Variants in PTPRD observed in about 807,000 individuals in gnomAD.
The protein encoded by PTPRD is receptor-type tyrosine-protein phosphatase delta.
Under a neutral mutation model 214.5 loss-of-function variants are expected in PTPRD, and 34 were observed. That is an observed-to-expected ratio of 0.16 (90% CI 0.12 to 0.21). The LOEUF is 0.21. PTPRD is among the 10% of genes least tolerant of loss of function. PTPRD has a pLI of 1.00. For synonymous variants in PTPRD, 1,128 were observed against 845.7 expected (o/e 1.33, Z -5.79); for missense variants, 2,545 against 2,398.7 (o/e 1.06, Z -1.27).
intron 10 of PTPRD, among the ~76,000 whole-genome samples, chr9:9,033,730 G>T (rs78104588): frequency 1.3e-5 from 2 of 151,554 alleles, no homozygotes; most frequent in African/African-American, 4.9e-5. Flanking sequence ...TCTCTCTTGG[G>T]TTTAGTTACT....
At position 10,512,064 on chromosome 9, in the gene PTPRD, G is replaced by A. The variant is rs544510261; in HGVS notation, c.-600+100334C>T. Among the ~76,000 whole-genome samples the A allele has an allele frequency of 2.1e-5, 3 of 143,876 alleles. No individual in the cohort carries two copies. In the South Asian group the frequency reaches 6.5e-4, roughly 31 times the overall value. 94.4% of individuals were successfully genotyped at this position (143,876 alleles called of 152,430 possible). Reference sequence around the variant, plus strand: ...TATATACACACACGTATATATATATGAAGTAAAAACTATGATTAGGACTAA... The same window carrying A: ...TATATACACACACGTATATATATATAAAGTAAAAACTATGATTAGGACTAA... On this transcript the variant is annotated intron_variant, in intron 2 of 45. Coordinates refer to ENST00000381196, the MANE Select transcript of PTPRD (RefSeq NM_002839.4).
At chr9:9,431,675 C>T (rs958492678) in intron 8 of PTPRD, among the ~76,000 whole-genome samples, 2 of 151,996 alleles carry the variant, frequency 1.3e-5, no homozygotes, top group African/African-American at 4.8e-5. Context: ...CAATGATAGA[C>T]TGGTTTAAGA....
chr9:10,133,080 G>A (rs544350123), intron 3 of PTPRD, among the ~76,000 whole-genome samples: 1 of 152,270 alleles, frequency 6.6e-6, no homozygotes, highest in African/African-American at 2.4e-5. Flanking sequence ...TAGAGGCAAA[G>A]AATTTGAACT....
chr9:9,624,788 T>G (rs1307218935), intron 7 of PTPRD, among the ~76,000 whole-genome samples: 2 of 151,598 alleles, frequency 1.3e-5, no homozygotes, highest in African/African-American at 4.9e-5. Flanking sequence ...TGGCCATGTT[T>G]CTTTAGGTTA....
intron 9 of PTPRD, among the ~76,000 whole-genome samples, chr9:9,270,884 G>A (rs554363761): frequency 6.6e-6 from 1 of 151,234 alleles, no homozygotes. Flanking sequence ...GATATCGGGG[G>A]GTGTAGGGAT....
At chr9:8,902,294 C>G (rs1183685293) in intron 11 of PTPRD, among the ~76,000 whole-genome samples, 1 of 151,932 alleles carries the variant, frequency 6.6e-6, no homozygotes, top group Non-Finnish European at 1.5e-5. Flanking sequence ...ATGACCCAAC[C>G]CAGATTTATT....
Position 8,352,041 on chromosome 9 carries a change from C to T in PTPRD, c.4662-10063G>A, listed in dbSNP as rs1394209743. Among the ~76,000 whole-genome samples, 8 of 149,474 alleles carry T rather than the reference C, an allele frequency of 5.4e-5. 1 individual carries two copies. The highest frequency in any genetic ancestry group is 2.0e-4 in the Admixed American group (3 of 14,996). ...GTAATTTCCTAAAAAACCAAAACTC[C>T]GTCTCGAGAAAGAAAAAAAAAATCC... On this transcript the variant is annotated intron_variant, in intron 39 of 45. Coordinates refer to ENST00000381196, the MANE Select transcript of PTPRD (RefSeq NM_002839.4).
chr9:9,328,666 C>A (rs1438814637), intron 9 of PTPRD, among the ~76,000 whole-genome samples: 1 of 84,386 alleles, frequency 1.2e-5, no homozygotes, highest in Admixed American at 1.6e-4. Context: ...GAGATAGAGT[C>A]TTGCTCTGTC....
intron 3 of PTPRD, among the ~76,000 whole-genome samples, chr9:10,163,546 T>C (rs1021464173): frequency 3.3e-5 from 5 of 151,494 alleles, no homozygotes; most frequent in African/African-American, 9.7e-5. Flanking sequence ...TACTAAAACA[T>C]ATTTTAATCT....
chr9:10,046,484 C>A (rs2154147805), intron 3 of PTPRD, among the ~76,000 whole-genome samples: 1 of 151,724 alleles, frequency 6.6e-6, no homozygotes, highest in Admixed American at 6.6e-5. Context: ...AATTATTTTT[C>A]AAAATTCCCT....
intron 12 of PTPRD, among the ~76,000 whole-genome samples, chr9:8,689,617 T>C (rs1400490365): frequency 6.6e-6 from 1 of 152,136 alleles, no homozygotes; most frequent in East Asian, 1.9e-4. Context: ...ACCACCCCCA[T>C]GATTCAAATT....
chr9:8,970,370 G>T (rs991533042), intron 11 of PTPRD, among the ~76,000 whole-genome samples: 6 of 151,792 alleles, frequency 4.0e-5, no homozygotes, highest in African/African-American at 1.4e-4. Context: ...GTTTAAAGAT[G>T]AATAACCAGA....
chr9:9,197,974 T>G (rs980893863), intron 9 of PTPRD, among the ~76,000 whole-genome samples: 2 of 152,184 alleles, frequency 1.3e-5, no homozygotes, highest in Admixed American at 6.5e-5. Context: ...TCTCAAAACT[T>G]TGGCAGGACT....
At chr9:8,415,218 G>A (rs1564644360) in intron 35 of PTPRD, among the ~76,000 whole-genome samples, 1 of 152,142 alleles carries the variant, frequency 6.6e-6, no homozygotes. Flanking sequence ...AAGGAAGAAA[G>A]CAGAGAATGT....
At chr9:9,254,571 G>A (rs555639978) in intron 9 of PTPRD, among the ~76,000 whole-genome samples, 11 of 152,108 alleles carry the variant, frequency 7.2e-5, no homozygotes, top group African/African-American at 2.2e-4. Context: ...TTATGTGTCA[G>A]TTAATAATAT....
chr9:9,693,175 G>A (rs1290765169), intron 7 of PTPRD, among the ~76,000 whole-genome samples: 1 of 151,998 alleles, frequency 6.6e-6, no homozygotes, highest in Non-Finnish European at 1.5e-5. Flanking sequence ...AGTAGTAAAA[G>A]TGGGCATCCT....
intron 2 of PTPRD, among the ~76,000 whole-genome samples, chr9:10,492,885 A>G (rs1589382289): frequency 6.6e-6 from 1 of 151,978 alleles, no homozygotes; most frequent in African/African-American, 2.4e-5. Context: ...CGTTAAGCAG[A>G]TAAGCAACTT....
intron 5 of PTPRD, among the ~76,000 whole-genome samples, chr9:9,866,408 C>A (rs2063958925): frequency 6.6e-6 from 1 of 151,986 alleles, no homozygotes; most frequent in Non-Finnish European, 1.5e-5. Context: ...ATGTGGTGGC[C>A]ATAAATATGT....
intron 2 of PTPRD, among the ~76,000 whole-genome samples, chr9:10,429,941 C>A (rs2098661755): frequency 6.6e-6 from 1 of 151,802 alleles, no homozygotes; most frequent in Non-Finnish European, 1.5e-5. Context: ...TTGTAAAAGG[C>A]ACAATTTAAA....
Sources: gnomAD v4.1 joint callset for allele counts (sites outside exome capture counted in the v4.1 genomes callset) on GRCh38, gnomAD v4.1.1 for gene constraint, MANE v1.5 for transcripts, NCBI Gene and HGNC (gene_info 2026-07-23, HGNC 2026-07-21) for gene names.